The following GLIS3 variants were observed in gnomAD, a reference collection of about 807,000 sequenced individuals.
GLIS3 encodes GLIS family zinc finger 3.
Under a neutral mutation model 78.6 loss-of-function variants are expected in GLIS3, and 53 were observed. The ratio of observed to expected loss-of-function variants is 0.67; its 90% CI spans 0.54 to 0.85. GLIS3 has a LOEUF of 0.85. Among genes scored for constraint, GLIS3 ranks in the 40% least tolerant of loss-of-function variants. The pLI is 0.00. For synonymous variants in GLIS3, 684 were observed against 509.9 expected (o/e 1.34, Z -4.60); for missense variants, 1,703 against 1,231.1 (o/e 1.38, Z -5.74).
At chr9:4,101,318 T>C (rs1169440364) in intron 4 of GLIS3, among the ~76,000 whole-genome samples, 1 of 152,230 alleles carries the variant, frequency 6.6e-6, no homozygotes, top group Non-Finnish European at 1.5e-5. Context: ...ATAGCACAGC[T>C]TCCCTACAGT....
intron 4 of GLIS3, among the ~76,000 whole-genome samples, chr9:4,037,235 G>A (rs180829566): frequency 1.4e-3 from 211 of 152,212 alleles, no homozygotes; most frequent in African/African-American, 4.9e-3. Context: ...GAGAGGCATC[G>A]TAGCACAGGA....
intron 2 of GLIS3, among the ~76,000 whole-genome samples, chr9:4,217,401 A>T (rs377142203): frequency 1.3e-5 from 2 of 152,222 alleles, no homozygotes; most frequent in Non-Finnish European, 2.9e-5. Flanking sequence ...CCCTAAGGGC[A>T]GTCACAACAA....
intron 4 of GLIS3, among the ~76,000 whole-genome samples, chr9:4,082,140 G>A (rs1320340101): frequency 6.6e-6 from 1 of 152,148 alleles, no homozygotes; most frequent in African/African-American, 2.4e-5. Context: ...TATCACAGTT[G>A]ACATCTTGTC....
At chr9:4,384,584 A>G in the GLIS3 span, among the ~76,000 whole-genome samples, 4 of 149,088 alleles carry the variant, frequency 2.7e-5, no homozygotes, top group African/African-American at 7.4e-5. Context: ...TATATAATAT[A>G]TATGTATATA....
chr9:4,041,251 G>A (rs1331020162), intron 4 of GLIS3, among the ~76,000 whole-genome samples: 1 of 152,186 alleles, frequency 6.6e-6, no homozygotes, highest in African/African-American at 2.4e-5. Flanking sequence ...ACAAGGGGGT[G>A]GGAGTGGAAG....
At chr9:4,243,404 A>G (rs372873277) in intron 2 of GLIS3, among the ~76,000 whole-genome samples, 3 of 151,448 alleles carry the variant, frequency 2.0e-5, no homozygotes, top group Non-Finnish European at 3.0e-5. Context: ...ACACGCACAC[A>G]CACACACACA....
intron 2 of GLIS3, among the ~76,000 whole-genome samples, chr9:4,174,885 C>A (rs998286624): frequency 1.3e-4 from 20 of 152,208 alleles, no homozygotes; most frequent in African/African-American, 4.6e-4. Flanking sequence ...ATTCCAACAA[C>A]ACGCCTGCAA....
At chr9:4,213,028 G>T (rs923089418) in intron 2 of GLIS3, among the ~76,000 whole-genome samples, 1 of 152,182 alleles carries the variant, frequency 6.6e-6, no homozygotes, top group East Asian at 1.9e-4. Context: ...GGCTGGAGAA[G>T]AGGCAGAAGC....
chr9:4,261,906 G>C (rs372533010), intron 2 of GLIS3, among the ~76,000 whole-genome samples: 1 of 152,166 alleles, frequency 6.6e-6, no homozygotes, highest in South Asian at 2.1e-4. Flanking sequence ...ATCGCAACTA[G>C]TGTACCCTGT....
the GLIS3 span, among the ~76,000 whole-genome samples, chr9:4,450,925 A>G: frequency 2.6e-5 from 4 of 152,322 alleles, no homozygotes; most frequent in African/African-American, 9.6e-5. Flanking sequence ...TCAATGCTAG[A>G]AAGAAACTGC....
chr9:4,058,673 G>T (rs751034394), intron 4 of GLIS3, among the ~76,000 whole-genome samples: 1 of 152,062 alleles, frequency 6.6e-6, no homozygotes, highest in Non-Finnish European at 1.5e-5. Flanking sequence ...AACTGACTTT[G>T]TGCCAAATAT....
chr9:4,408,890 C>T, the GLIS3 span, among the ~76,000 whole-genome samples: 1 of 151,854 alleles, frequency 6.6e-6, no homozygotes, highest in Non-Finnish European at 1.5e-5. Context: ...GAGATGGATA[C>T]CCAGTTTTCC....
the GLIS3 span, among the ~76,000 whole-genome samples, chr9:4,428,693 CAT>C: frequency 6.6e-6 from 1 of 152,014 alleles, no homozygotes; most frequent in Non-Finnish European, 1.5e-5. Context: ...GATAATTTAA[CAT>C]AGTATATAGG....
At position 4,118,724 on chromosome 9, in the gene GLIS3, G is replaced by A; in HGVS notation, c.754C>T (p.Leu252Phe). The change falls in exon 4 of 11, where the codon CTT becomes TTT. Residue 252 changes from leucine (L) to phenylalanine (F), a missense_variant. Transcript: ENST00000381971. The surrounding 1 kb of genome is among the most constrained non-coding windows in gnomAD (Gnocchi z 4.7). ...ATGGATGTCCCGGGAGGAAGGCTAAGGAGATCCCCTAGATCAAGGCCATTC... is the reference window on the plus strand; with the variant it reads ...ATGGATGTCCCGGGAGGAAGGCTAAAGAGATCCCCTAGATCAAGGCCATTC... ...SQNGLDLGDL[L>F]SLPPGTSMSS... 1.2e-6 allele frequency: 2 copies of A among 1,614,072 alleles called. No individual in the cohort carries two copies. Among genetic ancestry groups the A allele is most frequent in the Non-Finnish European group, 1.7e-6 (2 of 1,180,022 alleles).
chr9:4,001,578 T>G (rs1821124145), intron 4 of GLIS3, among the ~76,000 whole-genome samples: 3 of 152,208 alleles, frequency 2.0e-5, no homozygotes, highest in Admixed American at 2.0e-4. Flanking sequence ...ACGTGTTTAC[T>G]TACTGTTCAT....
intron 7 of GLIS3, among the ~76,000 whole-genome samples, chr9:3,881,835 G>C (rs904382462): frequency 2.0e-5 from 3 of 152,176 alleles, no homozygotes; most frequent in African/African-American, 7.2e-5. Flanking sequence ...AAAATACCAA[G>C]ACCTATTAGT....
intron 7 of GLIS3, among the ~76,000 whole-genome samples, chr9:3,894,217 A>C (rs1822662296): frequency 6.6e-6 from 1 of 152,214 alleles, no homozygotes; most frequent in African/African-American, 2.4e-5. Flanking sequence ...ATAACTATGC[A>C]TTTTTATAAT....
At chr9:4,177,599 G>A (rs887821114) in intron 2 of GLIS3, among the ~76,000 whole-genome samples, 46 of 152,246 alleles carry the variant, frequency 3.0e-4, no homozygotes, top group African/African-American at 1.0e-3. Flanking sequence ...AAATCCTACT[G>A]AGCTTGTTGA....
chr9:3,850,833 G>A (rs554826645), intron 9 of GLIS3, among the ~76,000 whole-genome samples: 30 of 152,104 alleles, frequency 2.0e-4, no homozygotes, highest in Non-Finnish European at 4.1e-4. Context: ...GTTCTCACCT[G>A]TGCTCTTTGC....
Sources: gnomAD v4.1 joint callset for allele counts (sites outside exome capture counted in the v4.1 genomes callset) on GRCh38, gnomAD v4.1.1 for gene constraint, Gnocchi (gnomAD v3.1) non-coding constraint, MANE v1.5 for transcripts, NCBI Gene and HGNC (gene_info 2026-07-23, HGNC 2026-07-21) for gene names.